The following DGKH variants were observed in gnomAD, a reference collection of about 807,000 sequenced individuals.
DGKH encodes DAG kinase eta.
Under a neutral mutation model 159.3 loss-of-function variants are expected in DGKH, and 90 were observed. That is an observed-to-expected ratio of 0.57 (90% CI 0.48 to 0.67). The LOEUF is 0.67. Ranked by LOEUF, DGKH falls within the 30% of genes least tolerant of loss-of-function variation. The probability of loss-of-function intolerance (pLI) is 0.00; values close to 1 mark genes in which losing one functional copy is unlikely to be tolerated. For missense variants in DGKH, 1,181 were observed against 1,506.1 expected (o/e 0.78, Z 3.57); for synonymous variants, 536 against 553.8 (o/e 0.97, Z 0.45).
chr13:42,141,909 A>G (rs1296182542), intron 3 of DGKH, among the ~76,000 whole-genome samples: 1 of 151,306 alleles, frequency 6.6e-6, no homozygotes, highest in East Asian at 1.9e-4. Flanking sequence ...ATTAGATCCC[A>G]TTTGTCAATT....
intron 22 of DGKH, 119 bp from the exon 23 acceptor site, chr13:42,209,212 A>G (rs115503522): frequency 7.8e-6 from 11 of 1,409,246 alleles, no homozygotes; most frequent in African/African-American, 2.9e-5. Context: ...CATGTCATTT[A>G]TAAGTGATAA....
chr13:42,213,985 A>G (rs1382923793), intron 24 of DGKH, among the ~76,000 whole-genome samples: 2 of 152,172 alleles, frequency 1.3e-5, no homozygotes, highest in African/African-American at 2.4e-5. Context: ...TATGCCTACC[A>G]CGTCTCTCTG....
intron 1 of DGKH, among the ~76,000 whole-genome samples, chr13:42,077,781 C>T (rs1196790702): frequency 6.6e-6 from 1 of 152,188 alleles, no homozygotes; most frequent in Non-Finnish European, 1.5e-5. Flanking sequence ...CTGTCTACTT[C>T]CATTCCAACC....
rs139071062 is a variant in DGKH, at chr13:42,233,084, TC to T, written c.*3897del. ...AGTTCAAGGCTGCAGTGAGCCATGATCATGCTACTGCCCTCCAGCCTGGGCA... is the reference window on the plus strand; with the variant it reads ...AGTTCAAGGCTGCAGTGAGCCATGATATGCTACTGCCCTCCAGCCTGGGCA... On this transcript the variant is annotated 3_prime_UTR_variant, in exon 30 of 30. Transcript: ENST00000337343. 20,112 of 152,314 alleles carry T rather than the reference TC, an allele frequency of 0.13. 1,689 individuals are homozygous for T. Among genetic ancestry groups the T allele is most frequent in the Admixed American group, 0.23 (3,534 of 15,288 alleles). The allele number at this position is 152,314 out of a possible 1,614,324, so 9.4% of individuals were successfully genotyped here.
At chr13:42,220,806 G>A (rs1957947721) in intron 28 of DGKH, among the ~76,000 whole-genome samples, 1 of 152,232 alleles carries the variant, frequency 6.6e-6, no homozygotes, top group Non-Finnish European at 1.5e-5. Flanking sequence ...AAGTCAGCAA[G>A]ACCTTAAGCA....
Position 42,189,125 on chromosome 13 carries a change from T to C in DGKH, c.1728T>C (p.Pro576=), listed in dbSNP as rs1957001159. ...QAAPVLPGLS[P]LIVEEDAVES... The stretch of plus-strand genomic sequence containing the variant: ...CGCCTGTTCTCCCTGGCCTCAGCCC[T>C]CTCATTGTGGAAGAAGATGCTGTGG... The change falls in exon 15 of 30, where the codon CCT becomes CCC. Residue 576 remains proline, a synonymous_variant. Coordinates refer to ENST00000337343, the MANE Select transcript of DGKH (RefSeq NM_178009.5). The C allele has an allele frequency of 1.9e-6, 3 of 1,614,238 alleles. No individual in the cohort carries two copies. Among genetic ancestry groups the C allele is most frequent in the Non-Finnish European group, 2.5e-6 (3 of 1,180,028 alleles).
chr13:42,054,592 G>C (rs570799556), intron 1 of DGKH, among the ~76,000 whole-genome samples: 156 of 152,166 alleles, frequency 1.0e-3, no homozygotes, highest in Middle Eastern at 6.8e-3. Flanking sequence ...AGAAGGGGAG[G>C]GTGCTGGGGA....
At position 42,155,296 on chromosome 13, in the gene DGKH, C is replaced by T. The variant is rs991451601; in HGVS notation, c.390C>T (p.Ile130=). The part of the protein sequence containing the change: ...TKNANNSFTI[I]TPFRRLMLCA... ...GATTGAATTATCCCTTTCAGATCAT[C>T]ACTCCATTCAGAAGGCTAATGCTGT... The change falls in exon 4 of 30, where the codon ATC becomes ATT. Residue 130 remains isoleucine, a synonymous_variant. Transcript: ENST00000337343. The T allele has an allele frequency of 1.9e-6, 3 of 1,591,298 alleles. No homozygotes were observed. Among genetic ancestry groups the T allele is most frequent in the African/African-American group, 1.4e-5 (1 of 73,614 alleles).
intron 1 of DGKH, among the ~76,000 whole-genome samples, chr13:42,123,006 A>T (rs1479062358): frequency 9.2e-5 from 14 of 152,214 alleles, no homozygotes; most frequent in Admixed American, 9.2e-4. Flanking sequence ...TTTTAGCGTT[A>T]TAAAAAGATG....
intron 1 of DGKH, among the ~76,000 whole-genome samples, chr13:42,090,793 A>G (rs1012353298): frequency 9.9e-5 from 15 of 152,120 alleles, no homozygotes; most frequent in Non-Finnish European, 1.6e-4. Flanking sequence ...AGGTATTAAG[A>G]GGTAGGGCTT....
chr13:42,208,994 G>A lies in DGKH; in HGVS notation c.2637G>A (p.Leu879=). The A allele has an allele frequency of 1.2e-6, 2 of 1,612,530 alleles. No homozygotes were observed. The highest frequency in any genetic ancestry group is 1.7e-6 in the Non-Finnish European group (2 of 1,179,282). Residue 879 remains leucine (L), a synonymous_variant, in exon 22 of 30, where the codon CTG becomes CTA. Coordinates refer to ENST00000337343, the MANE Select transcript of DGKH (RefSeq NM_178009.5). ...FAAPSFDDKI[L]EVVAIFDSMQ... ...CACCATCCTTTGATGACAAGATCCT[G>A]GAAGTTGTAGCAATATTTGATAGCA...
At chr13:42,144,005 A>G (rs1320294035) in intron 3 of DGKH, among the ~76,000 whole-genome samples, 1 of 152,228 alleles carries the variant, frequency 6.6e-6, no homozygotes, top group Non-Finnish European at 1.5e-5. Context: ...AATAACTAAA[A>G]AAAATTATTT....
Position 42,214,567 on chromosome 13 carries a change from T to C in DGKH, c.3075T>C (p.Asn1025=). 6.2e-7 allele frequency: 1 copy of C among 1,613,812 alleles called. No homozygotes were observed. The highest frequency in any genetic ancestry group is 8.5e-7 in the Non-Finnish European group (1 of 1,179,788). ...LLEQELAHAV[N]ACSHALNKAN... ...AGCAAGAACTGGCCCATGCTGTGAA[T>C]GCCTGCTCCCATGCCCTGAATAAAG... The change falls in exon 25 of 30, where the codon AAT becomes AAC. Residue 1025 remains asparagine, a synonymous_variant. Coordinates refer to ENST00000337343, the MANE Select transcript of DGKH (RefSeq NM_178009.5).
At chr13:42,218,004 C>T (rs1273734827) in intron 26 of DGKH, among the ~76,000 whole-genome samples, 1 of 152,194 alleles carries the variant, frequency 6.6e-6, no homozygotes, top group Non-Finnish European at 1.5e-5. Context: ...ATTGCACTTC[C>T]AGCCTGGGCA....
chr13:42,250,278 C>G (rs1332142827), intron 29 of DGKH, among the ~76,000 whole-genome samples: 1 of 151,268 alleles, frequency 6.6e-6, no homozygotes, highest in Non-Finnish European at 1.5e-5. Context: ...CACTCCAGCT[C>G]CTATTTAAAA....
intron 26 of DGKH, among the ~76,000 whole-genome samples, chr13:42,218,617 T>A (rs927713748): frequency 5.9e-5 from 9 of 151,366 alleles, no homozygotes; most frequent in African/African-American, 2.2e-4. Context: ...CAAGCAATTC[T>A]CTTGCCTCAG....
At chr13:42,256,104 T>C in intron 30 of DGKH, 2 of 1,209,048 alleles carry the variant, frequency 1.7e-6, no homozygotes, top group South Asian at 2.4e-5. Flanking sequence ...AGTAGTATCA[T>C]GCCAGGCAAG....
chr13:42,138,698 A>G (rs1166952882), intron 3 of DGKH, among the ~76,000 whole-genome samples: 1 of 152,176 alleles, frequency 6.6e-6, no homozygotes, highest in Non-Finnish European at 1.5e-5. Context: ...TGACTTGACT[A>G]TTTTATACCA....
intron 1 of DGKH, among the ~76,000 whole-genome samples, chr13:42,088,777 A>T (rs1483407302): frequency 6.6e-6 from 1 of 152,210 alleles, no homozygotes; most frequent in Non-Finnish European, 1.5e-5. Context: ...TATATTGATA[A>T]TCACATTAAT....
Sources: allele counts gnomAD v4.1 joint callset (sites outside exome capture counted in the v4.1 genomes callset), GRCh38; gene constraint gnomAD v4.1.1; transcripts MANE v1.5; gene names NCBI Gene and HGNC (gene_info 2026-07-23, HGNC 2026-07-21).